CCDC69: variants seen among roughly 807,000 people sequenced by gnomAD.
CCDC69 encodes the protein coiled-coil domain-containing protein 69.
Under a neutral mutation model 40.3 loss-of-function variants are expected in CCDC69, and 38 were observed. That is an observed-to-expected ratio of 0.94 (90% CI 0.73 to 1.24). CCDC69 has a LOEUF of 1.24. CCDC69 is among the 50% of genes most tolerant of loss of function. CCDC69 has a pLI of 0.00. For synonymous variants in CCDC69, 141 were observed against 138.9 expected, an observed-to-expected ratio of 1.02 and a Z score of -0.11; for missense variants, 389 against 357.9, an observed-to-expected ratio of 1.09 and a Z score of -0.70.
intron 4 of CCDC69, among the ~76,000 whole-genome samples, chr5:151,187,733 G>A (rs948885178): frequency 6.6e-6 from 1 of 152,200 alleles, no homozygotes; most frequent in Non-Finnish European, 1.5e-5. Context: ...CCTCACTAAA[G>A]CTAAGATCCA....
chr5:151,224,075 C>A lies in CCDC69; in HGVS notation c.-105G>T, dbSNP rs61739650. 309 of 1,016,320 alleles carry A rather than the reference C, an allele frequency of 3.0e-4. 1 individual carries two copies. In the African/African-American group the frequency reaches 4.2e-3, roughly 14 times the overall value. The allele number at this position is 1,016,320 out of a possible 1,614,324, so 63.0% of individuals were successfully genotyped here. ...CTCCGCGCCCGCCGGCTGGGGCTGC[C>A]GGCGAGACCCTGAAACTGAACCTGG... On this transcript the variant is annotated 5_prime_UTR_variant, in exon 1 of 9. Transcript: ENST00000355417.
chr5:151,187,387 T>TG lies in CCDC69; in HGVS notation c.391dup (p.Gln131ProfsTer31). On this transcript the variant is annotated frameshift_variant and splice_region_variant, in exon 5 of 9. Coordinates refer to ENST00000355417, the MANE Select transcript of CCDC69 (RefSeq NM_015621.3). LOFTEE classifies it high-confidence loss of function. ...CTGACACGACCCAGCCCCTCTCACCTGCTGGGTAGAACTGGCCTCCCGGAA... is the reference window on the plus strand; with the variant it reads ...CTGACACGACCCAGCCCCTCTCACCTGGCTGGGTAGAACTGGCCTCCCGGAA... The TG allele has an allele frequency of 6.2e-7, 1 of 1,613,712 alleles. No individual in the cohort carries two copies. Among genetic ancestry groups the TG allele is most frequent in the Non-Finnish European group, 8.5e-7 (1 of 1,179,640 alleles).
In CCDC69 at chr5:151,183,399, G is replaced by C; in HGVS notation, c.*38C>G. The C allele has an allele frequency of 6.3e-7, 1 of 1,580,364 alleles. No homozygotes were observed. The highest frequency in any genetic ancestry group is 1.3e-5 in the African/African-American group (1 of 74,860). ...CTCCAGAAAAACCTTGGAAGGAGCT[G>C]TGACTTCAGGCGTCGTGGTGGGCCC... On this transcript the variant is annotated 3_prime_UTR_variant, in exon 9 of 9. Coordinates refer to ENST00000355417, the MANE Select transcript of CCDC69 (RefSeq NM_015621.3).
intron 1 of CCDC69, among the ~76,000 whole-genome samples, chr5:151,219,917 C>T (rs1753111077): frequency 6.6e-6 from 1 of 152,070 alleles, no homozygotes; most frequent in African/African-American, 2.4e-5. Context: ...GAACTCACTA[C>T]CCTTTGAGGC....
intron 1 of CCDC69, chr5:151,211,156 C>T (rs34594711): frequency 0.076 from 11,631 of 152,294 alleles, 772 homozygotes; most frequent in East Asian, 0.34. Flanking sequence ...ACCATCCCAC[C>T]GTGACGCGTG....
At position 151,198,981 on chromosome 5, in the gene CCDC69, A is replaced by G. The variant is rs1456934493; in HGVS notation, c.319+16T>C. ...ACCCCCCACCACCTTGGCCAGTGGA[A>G]CATCTCTACCCTTACCTTGCAGGGC... On this transcript the variant is annotated intron_variant, in intron 4 of 8. Coordinates refer to ENST00000355417, the MANE Select transcript of CCDC69 (RefSeq NM_015621.3). The G allele has an allele frequency of 1.9e-6, 3 of 1,608,072 alleles. No homozygotes were observed. The highest frequency in any genetic ancestry group is 2.6e-6 in the Non-Finnish European group (3 of 1,174,616).
In CCDC69 at chr5:151,183,227, G is replaced by C. The variant is rs1350603024; in HGVS notation, c.*210C>G. 1 of 701,306 alleles carries C rather than the reference G, an allele frequency of 1.4e-6. No individual in the cohort carries two copies. Among genetic ancestry groups the C allele is most frequent in the Middle Eastern group, 2.3e-4 (1 of 4,340 alleles). The allele number at this position is 701,306 out of a possible 1,614,324, so 43.4% of individuals were successfully genotyped here. The stretch of plus-strand genomic sequence containing the variant: ...GCTTATTCCCTTGGCCAACTCAAGG[G>C]AAGACGCTTCTCGGGGCCTCCAAAA... On this transcript the variant is annotated 3_prime_UTR_variant, in exon 9 of 9. Transcript: ENST00000355417.
At chr5:151,198,861 C>T (rs1479004586) in intron 4 of CCDC69, 136 bp downstream of exon 4, 7 of 719,798 alleles carry the variant, frequency 9.7e-6, no homozygotes, top group Non-Finnish European at 1.8e-5. Context: ...GCCAAGGATC[C>T]TGTAGATTTG....
intron 1 of CCDC69, among the ~76,000 whole-genome samples, chr5:151,223,173 AG>A (rs1228590086): frequency 6.6e-6 from 1 of 152,186 alleles, no homozygotes; most frequent in Non-Finnish European, 1.5e-5. Context: ...TCAGACCCCA[AG>A]GGGCAGCTGG....
rs1752480005 is a variant in CCDC69, at chr5:151,185,364, A to G, written c.615+58T>C. On this transcript the variant is annotated intron_variant, in intron 7 of 8. Coordinates refer to ENST00000355417, the MANE Select transcript of CCDC69 (RefSeq NM_015621.3). The stretch of plus-strand genomic sequence containing the variant: ...CTCCCCTCTGCATGCTTTACAAAGG[A>G]AACACCCAGAAAGCGGGAGCCTGAG... 5 of 1,598,802 alleles carry G rather than the reference A, an allele frequency of 3.1e-6. No homozygotes were observed. The African/African-American group carries it at 6.7e-5, about 21-fold the overall frequency.
intron 1 of CCDC69, among the ~76,000 whole-genome samples, chr5:151,218,212 G>A (rs1180879444): frequency 1.3e-5 from 2 of 152,224 alleles, no homozygotes; most frequent in African/African-American, 4.8e-5. Flanking sequence ...TTGTCTTCAG[G>A]TAATGGATGG....
chr5:151,182,842 C>T lies in CCDC69; in HGVS notation c.*595G>A, dbSNP rs544027518. 1 of 353,086 alleles carries T rather than the reference C, an allele frequency of 2.8e-6. No homozygotes were observed. Among genetic ancestry groups the T allele is most frequent in the Non-Finnish European group, 5.6e-6 (1 of 177,870 alleles). The allele number at this position is 353,086 out of a possible 1,614,324, so 21.9% of individuals were successfully genotyped here. On this transcript the variant is annotated 3_prime_UTR_variant, in exon 9 of 9. Transcript: ENST00000355417. ...AGCCCCAAGGGCCTTCAGAGACCCCCTCTCTACCACTCACCTTCCCCACTC... is the reference window on the plus strand; with the variant it reads ...AGCCCCAAGGGCCTTCAGAGACCCCTTCTCTACCACTCACCTTCCCCACTC...
chr5:151,212,881 C>A (rs1466523874), intron 1 of CCDC69: 2 of 456,186 alleles, frequency 4.4e-6, no homozygotes, highest in African/African-American at 4.0e-5. Flanking sequence ...TCAGAACCAT[C>A]ACAAACTGGT....
chr5:151,206,070 C>T (rs992837357), intron 1 of CCDC69, among the ~76,000 whole-genome samples: 1 of 152,136 alleles, frequency 6.6e-6, no homozygotes, highest in Non-Finnish European at 1.5e-5. Flanking sequence ...CAAGTCTGGG[C>T]CTCCAGAACT....
At chr5:151,203,890 T>C (rs1486690024) in intron 2 of CCDC69, among the ~76,000 whole-genome samples, 1 of 143,052 alleles carries the variant, frequency 7.0e-6, no homozygotes, top group African/African-American at 2.6e-5. Context: ...ATATAGTATA[T>C]ATATAAAATA....
rs1752549581 is a variant in CCDC69, at chr5:151,187,944, A to G, written c.320-485T>C. Among the ~76,000 whole-genome samples, 3 of 152,198 alleles carry G rather than the reference A, an allele frequency of 2.0e-5. No individual in the cohort carries two copies. The South Asian group carries it at 6.2e-4, about 32-fold the overall frequency. ...TCCTGGCTCTGCCTTTCCGAAACTG[A>G]GAGACCTTGAGAAGATCATATCAGA... On this transcript the variant is annotated intron_variant, in intron 4 of 8. Coordinates refer to ENST00000355417, the MANE Select transcript of CCDC69 (RefSeq NM_015621.3).
At chr5:151,211,518 C>CTTTTTTTT (rs774546814) in intron 1 of CCDC69, among the ~76,000 whole-genome samples, 9 of 108,738 alleles carry the variant, frequency 8.3e-5, no homozygotes, top group Non-Finnish European at 1.1e-4. Context: ...TTTGCATCTG[C>CTTTTTTTT]TTTTTTTTTT....
Position 151,183,046 on chromosome 5 carries a change from A to G in CCDC69, c.*391T>C. The G allele has an allele frequency of 2.1e-6, 1 of 466,594 alleles. No homozygotes were observed. The highest frequency in any genetic ancestry group is 4.3e-6 in the Non-Finnish European group (1 of 233,868). The allele number at this position is 466,594 out of a possible 1,614,324, so 28.9% of individuals were successfully genotyped here. Reference sequence around the variant, plus strand: ...GAGTGGAAACACCTAGAGGAAGTTGATAAGTCAGCAAGTCGGCAGCAGAGC... The same window carrying G: ...GAGTGGAAACACCTAGAGGAAGTTGGTAAGTCAGCAAGTCGGCAGCAGAGC... On this transcript the variant is annotated 3_prime_UTR_variant, in exon 9 of 9. Transcript: ENST00000355417.
intron 5 of CCDC69, 93 bp from the exon 6 acceptor site, chr5:151,186,217 G>A (rs1303219318): frequency 2.3e-6 from 2 of 851,722 alleles, no homozygotes; most frequent in African/African-American, 3.3e-5. Flanking sequence ...ACGGTTTTGG[G>A]TTCTTCAATC....
Sources: gnomAD v4.1 joint callset for allele counts (sites outside exome capture counted in the v4.1 genomes callset) on GRCh38, gnomAD v4.1.1 for gene constraint, MANE v1.5 for transcripts, NCBI Gene and HGNC (gene_info 2026-07-23, HGNC 2026-07-21) for gene names.